The following ISM1 variants were observed in gnomAD, a reference collection of about 807,000 sequenced individuals.
ISM1 encodes the protein isthmin 1, also known as isthmin-1.
In ISM1, 25 loss-of-function variants were observed where a neutral mutation model predicts 46.3. The observed-to-expected ratio is 0.54, with a 90% CI of 0.39 to 0.75. The LOEUF (loss-of-function observed/expected upper bound fraction) is 0.75. Ranked by LOEUF, ISM1 falls within the 30% of genes least tolerant of loss-of-function variation. The pLI is 0.00. For missense variants in ISM1, 536 were observed against 625.4 expected, an observed-to-expected ratio of 0.86 and a Z score of 1.52; for synonymous variants, 255 against 256.7, an observed-to-expected ratio of 0.99 and a Z score of 0.06.
intron 1 of ISM1, among the ~76,000 whole-genome samples, chr20:13,241,998 A>G (rs1398993833): frequency 6.6e-6 from 1 of 152,210 alleles, no homozygotes; most frequent in Non-Finnish European, 1.5e-5. Flanking sequence ...GAAGGAAAGT[A>G]AAAACAAGAG....
chr20:13,226,912 A>C (rs565363210), intron 1 of ISM1, among the ~76,000 whole-genome samples: 197 of 152,320 alleles, frequency 1.3e-3, no homozygotes, highest in Non-Finnish European at 2.1e-3. Context: ...GTCACATTAA[A>C]GAAGAGCATG....
chr20:13,322,500 C>A, the ISM1 span, among the ~76,000 whole-genome samples: 3 of 152,132 alleles, frequency 2.0e-5, no homozygotes, highest in South Asian at 2.1e-4. Context: ...CTGGACCAGA[C>A]GAGGTCCATA....
chr20:13,291,679 G>A (rs1383615633), intron 4 of ISM1, among the ~76,000 whole-genome samples: 1 of 152,190 alleles, frequency 6.6e-6, no homozygotes, highest in Non-Finnish European at 1.5e-5. Context: ...AGCAAATTAT[G>A]AGAAGCCCAA....
At chr20:13,315,162 T>C in the ISM1 span, among the ~76,000 whole-genome samples, 1 of 151,768 alleles carries the variant, frequency 6.6e-6, no homozygotes, top group East Asian at 1.9e-4. Flanking sequence ...AAATAAAAAA[T>C]AGTAATAAAT....
At chr20:13,253,879 G>A (rs200651782) in intron 1 of ISM1, among the ~76,000 whole-genome samples, 14 of 98,310 alleles carry the variant, frequency 1.4e-4, no homozygotes, top group East Asian at 1.1e-3. Flanking sequence ...ATATATATAT[G>A]TGTGTGTGTA....
chr20:13,249,744 G>A (rs2039843996), intron 1 of ISM1, among the ~76,000 whole-genome samples: 1 of 152,114 alleles, frequency 6.6e-6, no homozygotes, highest in Admixed American at 6.6e-5. Flanking sequence ...TACTTCTCCT[G>A]AACCATTTTT....
At chr20:13,254,867 T>C (rs189913427) in intron 1 of ISM1, among the ~76,000 whole-genome samples, 118 of 152,346 alleles carry the variant, frequency 7.7e-4, no homozygotes, top group African/African-American at 2.7e-3. Context: ...TTATTGGGCA[T>C]TGAAATCCTG....
rs1292248560 is a variant in ISM1 at position 13,284,868 on chromosome 20, G to A, written c.644-3672G>A. 2.0e-5 allele frequency among the ~76,000 whole-genome samples: 3 copies of A among 152,328 alleles called. No homozygotes were observed. The East Asian group carries it at 5.8e-4, about 29-fold the overall frequency. On this transcript the variant is annotated intron_variant, in intron 3 of 5. Coordinates refer to ENST00000262487, the MANE Select transcript of ISM1 (RefSeq NM_080826.2). ...CTTTGTGAGCATTTAAAATAAAGAT[G>A]TGGAGAAAGCCACTTACTGCAATAA...
intron 1 of ISM1, among the ~76,000 whole-genome samples, chr20:13,231,284 T>C (rs1482501145): frequency 1.3e-5 from 2 of 152,328 alleles, no homozygotes; most frequent in Middle Eastern, 3.4e-3. Flanking sequence ...CAGAGAGATG[T>C]GCTGCAGGCA....
In ISM1 at chr20:13,298,998, A is replaced by G. The variant is rs913793186; in HGVS notation, c.934A>G (p.Met312Val). The G allele has an allele frequency of 1.9e-6, 3 of 1,613,500 alleles. No homozygotes were observed. Among genetic ancestry groups the G allele is most frequent in the Admixed American group, 1.7e-5 (1 of 59,926 alleles). The part of the protein sequence containing the change: ...SCKSEFLKKY[M>V]HKVMNDLPSC... Reference sequence around the variant, plus strand: ...CAAAAGCGAGTTCTTAAAGAAGTACATGCACAAGGTGATGAATGACCTGCC... The same window carrying G: ...CAAAAGCGAGTTCTTAAAGAAGTACGTGCACAAGGTGATGAATGACCTGCC... The change falls in exon 6 of 6, where the codon ATG becomes GTG. Residue 312 changes from methionine (M) to valine (V), a missense_variant. Physicochemically the swap from Met to Val is conservative, Grantham distance 21 (BLOSUM62 1). This residue lies in a region of ISM1 where 169 missense variants were observed against 249.3 expected (regional missense o/e 0.68). Coordinates refer to ENST00000262487, the MANE Select transcript of ISM1 (RefSeq NM_080826.2).
chr20:13,268,066 C>T (rs1319238842), intron 1 of ISM1, among the ~76,000 whole-genome samples: 2 of 151,598 alleles, frequency 1.3e-5, no homozygotes, highest in African/African-American at 2.4e-5. Flanking sequence ...GGGATGTCAT[C>T]GAGAAATCTT....
intron 5 of ISM1, among the ~76,000 whole-genome samples, chr20:13,298,309 G>A (rs2040426043): frequency 6.6e-6 from 1 of 152,106 alleles, no homozygotes; most frequent in South Asian, 2.1e-4. Flanking sequence ...GTTTCACCTT[G>A]TTGGCCAGGC....
intron 1 of ISM1, among the ~76,000 whole-genome samples, chr20:13,236,150 C>G (rs2039646462): frequency 6.6e-6 from 1 of 152,112 alleles, no homozygotes; most frequent in South Asian, 2.1e-4. Flanking sequence ...GTCTCGATCT[C>G]TTAACCTTGT....
chr20:13,286,726 G>A (rs971655059), intron 3 of ISM1, among the ~76,000 whole-genome samples: 15 of 152,158 alleles, frequency 9.9e-5, no homozygotes, highest in Admixed American at 7.2e-4. Context: ...TTTGCCTGAG[G>A]CATGTTCAGA....
At chr20:13,277,508 T>G (rs1437008700) in intron 2 of ISM1, among the ~76,000 whole-genome samples, 1 of 152,192 alleles carries the variant, frequency 6.6e-6, no homozygotes, top group Admixed American at 6.5e-5. Flanking sequence ...CCCAGCTGTG[T>G]GCTCCTTCTC....
chr20:13,259,650 A>C (rs2039966895), intron 1 of ISM1, among the ~76,000 whole-genome samples: 1 of 152,258 alleles, frequency 6.6e-6, no homozygotes, highest in Non-Finnish European at 1.5e-5. Context: ...AATGTCCTGT[A>C]GAGCCATAAA....
At chr20:13,232,901 C>T (rs2039604577) in intron 1 of ISM1, among the ~76,000 whole-genome samples, 1 of 152,134 alleles carries the variant, frequency 6.6e-6, no homozygotes, top group South Asian at 2.1e-4. Flanking sequence ...AGGAATTCTC[C>T]TTTCTTTTCA....
chr20:13,318,946 T>C, the ISM1 span, among the ~76,000 whole-genome samples: 1 of 152,268 alleles, frequency 6.6e-6, no homozygotes, highest in African/African-American at 2.4e-5. Flanking sequence ...ACTATAATGG[T>C]TAATACAGGT....
intron 1 of ISM1, among the ~76,000 whole-genome samples, chr20:13,269,404 C>T (rs993819946): frequency 1.3e-5 from 2 of 152,194 alleles, no homozygotes; most frequent in Non-Finnish European, 2.9e-5. Flanking sequence ...AAACAGTGGG[C>T]TTGCACTTTT....
Sources: gnomAD v4.1 joint callset for allele counts (sites outside exome capture counted in the v4.1 genomes callset) on GRCh38, gnomAD v4.1.1 for gene constraint, gnomAD v4.1.1 regional missense constraint, MANE v1.5 for transcripts, NCBI Gene and HGNC (gene_info 2026-07-23, HGNC 2026-07-21) for gene names.